TDRD12: variants seen among roughly 807,000 people sequenced by gnomAD.
TDRD12 encodes tudor domain containing 12, also known as putative ATP-dependent RNA helicase TDRD12.
TDRD12 carries 158 observed loss-of-function variants against 133.5 expected under a neutral mutation model. The observed-to-expected ratio is 1.18, with a 90% CI of 1.04 to 1.35. The LOEUF (loss-of-function observed/expected upper bound fraction) is 1.35, where lower values mean the gene tolerates loss of function less well. Among genes scored for constraint, TDRD12 ranks in the 40% most tolerant of loss-of-function variants. TDRD12 has a pLI of 0.00. For missense variants in TDRD12, 1,443 were observed against 1,321.3 expected (o/e 1.09, Z -1.43); for synonymous variants, 460 against 477.9 (o/e 0.96, Z 0.49).
At chr19:32,729,814 G>T (rs1968990087) in intron 1 of TDRD12, among the ~76,000 whole-genome samples, 4 of 100,734 alleles carry the variant, frequency 4.0e-5, no homozygotes, top group East Asian at 3.6e-4. Flanking sequence ...TTTGTGAGAT[G>T]GAGTCTTGCT....
At chr19:32,756,969 T>C (rs1970012672) in intron 7 of TDRD12, 69 bp from the exon 8 acceptor site, 1 of 1,323,020 alleles carries the variant, frequency 7.6e-7, no homozygotes, top group Admixed American at 2.0e-5. Flanking sequence ...AGTAATGTAC[T>C]AACGAGTTCA....
At chr19:32,741,307 C>G in intron 3 of TDRD12, among the ~76,000 whole-genome samples, 1 of 152,150 alleles carries the variant, frequency 6.6e-6, no homozygotes, top group Non-Finnish European at 1.5e-5. Flanking sequence ...GTCTTGAACT[C>G]TTGACCTCAG....
chr19:32,724,751 C>T (rs572546375), intron 1 of TDRD12, among the ~76,000 whole-genome samples: 4 of 152,048 alleles, frequency 2.6e-5, no homozygotes, highest in South Asian at 2.1e-4. Flanking sequence ...AATGGGATTG[C>T]TGGGTTTTTC....
intron 8 of TDRD12, among the ~76,000 whole-genome samples, chr19:32,761,528 A>G (rs967146789): frequency 6.6e-6 from 1 of 152,136 alleles, no homozygotes; most frequent in Non-Finnish European, 1.5e-5. Flanking sequence ...ATTATTTTGT[A>G]GAATGTGTTC....
At chr19:32,720,972 CA>C (rs1311793743) in intron 1 of TDRD12, among the ~76,000 whole-genome samples, 3 of 151,822 alleles carry the variant, frequency 2.0e-5, no homozygotes, top group Non-Finnish European at 2.9e-5. Flanking sequence ...TCACCCGGGC[CA>C]AGCGACACTG....
chr19:32,719,932 C>A, exon 1 of TDRD12: 1 of 1,081,154 alleles, frequency 9.2e-7, no homozygotes, highest in Non-Finnish European at 1.3e-6. Context: ...GCACCTGCCG[C>A]GGGGGGCCCA....
At chr19:32,790,656 T>C (rs1320334773) in intron 12 of TDRD12, 65 bp downstream of exon 12, 4 of 1,551,442 alleles carry the variant, frequency 2.6e-6, no homozygotes, top group Non-Finnish European at 3.5e-6. Context: ...TTTAAATCCT[T>C]CTCCTTCCTC....
intron 1 of TDRD12, 95 bp downstream of exon 1, chr19:32,720,191 A>G: frequency 9.0e-7 from 1 of 1,116,716 alleles, no homozygotes; most frequent in Non-Finnish European, 1.1e-6. Flanking sequence ...CCAGCTCCGC[A>G]CAGCTTCCTA....
intron 11 of TDRD12, among the ~76,000 whole-genome samples, chr19:32,778,340 C>A (rs527372912): frequency 1.3e-5 from 2 of 152,236 alleles, no homozygotes; most frequent in South Asian, 2.1e-4. Context: ...AACTGACACC[C>A]CCCTCCCAGG....
intron 1 of TDRD12, among the ~76,000 whole-genome samples, chr19:32,724,023 A>G (rs1968778160): frequency 6.6e-6 from 1 of 151,732 alleles, no homozygotes; most frequent in Non-Finnish European, 1.5e-5. Flanking sequence ...ACTCCTGGTT[A>G]ATTAAAAAAA....
At chr19:32,769,789 AC>A (rs1220542023) in intron 8 of TDRD12, among the ~76,000 whole-genome samples, 1 of 152,040 alleles carries the variant, frequency 6.6e-6, no homozygotes, top group Non-Finnish European at 1.5e-5. Context: ...GGCATGCGCC[AC>A]CACACCTGGC....
At chr19:32,802,285 T>G (rs999443328) in intron 19 of TDRD12, among the ~76,000 whole-genome samples, 1 of 149,614 alleles carries the variant, frequency 6.7e-6, no homozygotes, top group Non-Finnish European at 1.5e-5. Flanking sequence ...TATATCATGA[T>G]AGTGATCCTC....
chr19:32,800,677 T>G, exon 18 of TDRD12: 1 of 1,535,562 alleles, frequency 6.5e-7, no homozygotes, highest in Non-Finnish European at 8.7e-7. Flanking sequence ...TGAAAAAACT[T>G]CTTCTTTACT....
At chr19:32,723,259 T>G (rs1431580766) in intron 1 of TDRD12, among the ~76,000 whole-genome samples, 1 of 148,078 alleles carries the variant, frequency 6.8e-6, no homozygotes, top group African/African-American at 2.5e-5. Flanking sequence ...AACTATTTTG[T>G]TTTTTTTTTG....
chr19:32,786,519 T>C (rs549835920), intron 11 of TDRD12, among the ~76,000 whole-genome samples: 1 of 152,360 alleles, frequency 6.6e-6, no homozygotes, highest in African/African-American at 2.4e-5. Context: ...GAAGAATGTT[T>C]TCTAACTTGG....
At chr19:32,807,974 A>G (rs568591102) in intron 22 of TDRD12, among the ~76,000 whole-genome samples, 8 of 152,206 alleles carry the variant, frequency 5.3e-5, no homozygotes, top group African/African-American at 1.4e-4. Context: ...CTGTAATCTC[A>G]TCATTTTGGG....
chr19:32,724,972 T>A (rs141454054), intron 1 of TDRD12, among the ~76,000 whole-genome samples: 2,046 of 152,302 alleles, frequency 0.013, 26 homozygotes, highest in Non-Finnish European at 0.022. Context: ...ATCAGTGATG[T>A]TGAGCTTTTT....
At chr19:32,768,817 G>A (rs1410206850) in intron 8 of TDRD12, among the ~76,000 whole-genome samples, 4 of 152,108 alleles carry the variant, frequency 2.6e-5, no homozygotes, top group African/African-American at 9.7e-5. Flanking sequence ...CATTACTTAT[G>A]ACACTGCACA....
At chr19:32,789,115 C>T (rs1206753912) in intron 11 of TDRD12, among the ~76,000 whole-genome samples, 1 of 151,698 alleles carries the variant, frequency 6.6e-6, no homozygotes. Flanking sequence ...GCAGAGGTTC[C>T]CCCCTCTGCC....
Sources: allele counts gnomAD v4.1 joint callset (sites outside exome capture counted in the v4.1 genomes callset), GRCh38; gene constraint gnomAD v4.1.1; transcripts MANE v1.5; gene names NCBI Gene and HGNC (gene_info 2026-07-23, HGNC 2026-07-21).